ATRNL1: variants seen among roughly 807,000 people sequenced by gnomAD.
The protein encoded by ATRNL1 is attractin-like protein 1.
ATRNL1 carries 95 observed loss-of-function variants against 182.7 expected under a neutral mutation model. The ratio of observed to expected loss-of-function variants is 0.52; its 90% confidence interval spans 0.44 to 0.62. The LOEUF (loss-of-function observed/expected upper bound fraction) is 0.62, where lower values mean the gene tolerates loss of function less well. Among genes scored for constraint, ATRNL1 ranks in the 20% least tolerant of loss-of-function variants. The pLI is 0.00. For missense variants in ATRNL1, 1,471 were observed against 1,679.5 expected (o/e 0.88, Z 2.17); for synonymous variants, 576 against 568.3 (o/e 1.01, Z -0.19).
chr10:115,922,661 A>C (rs1189921528), intron 28 of ATRNL1, among the ~76,000 whole-genome samples: 1 of 152,124 alleles, frequency 6.6e-6, no homozygotes, highest in Non-Finnish European at 1.5e-5. Flanking sequence ...TCGTTTTCAA[A>C]AGTCAGTTAA....
chr10:115,757,021 C>T lies in ATRNL1; in HGVS notation c.3903+29666C>T, dbSNP rs1469643883. Among the ~76,000 whole-genome samples the T allele has an allele frequency of 2.6e-5, 4 of 151,884 alleles. No individual in the cohort carries two copies. In the East Asian group the frequency reaches 7.7e-4, roughly 29 times the overall value. On this transcript the variant is annotated intron_variant, in intron 27 of 28. Transcript: ENST00000355044. Reference sequence around the variant, plus strand: ...TTTTGCATTTGCTTAGTATATCTTCCTCCATCCATTCATTTTGAGCCTATG... The same window carrying T: ...TTTTGCATTTGCTTAGTATATCTTCTTCCATCCATTCATTTTGAGCCTATG...
chr10:115,126,116 G>C (rs782560683), intron 3 of ATRNL1, among the ~76,000 whole-genome samples: 2 of 152,182 alleles, frequency 1.3e-5, no homozygotes, highest in Non-Finnish European at 2.9e-5. Context: ...GGAGTGCAGT[G>C]GTGTGATCTC....
intron 27 of ATRNL1, among the ~76,000 whole-genome samples, chr10:115,766,446 C>A (rs550304581): frequency 1.3e-5 from 2 of 152,304 alleles, no homozygotes; most frequent in East Asian, 3.9e-4. Flanking sequence ...TGTTATGCAA[C>A]CTTTGACTCT....
intron 9 of ATRNL1, among the ~76,000 whole-genome samples, chr10:115,222,892 G>A (rs1401696222): frequency 1.3e-5 from 2 of 152,174 alleles, no homozygotes; most frequent in Non-Finnish European, 2.9e-5. Flanking sequence ...ATCATATAAA[G>A]CTATAGTAAT....
intron 19 of ATRNL1, among the ~76,000 whole-genome samples, chr10:115,370,461 G>A (rs987762129): frequency 2.0e-5 from 3 of 152,210 alleles, no homozygotes; most frequent in Non-Finnish European, 4.4e-5. Context: ...TGAAATCCAG[G>A]CTGAGGTGGT....
chr10:115,392,393 T>C (rs1844074380), intron 19 of ATRNL1, among the ~76,000 whole-genome samples: 1 of 152,146 alleles, frequency 6.6e-6, no homozygotes, highest in Non-Finnish European at 1.5e-5. Context: ...TCTTAGTTAA[T>C]ATAAGGAACT....
chr10:115,828,862 A>G (rs1232232071), intron 27 of ATRNL1, among the ~76,000 whole-genome samples: 1 of 152,184 alleles, frequency 6.6e-6, no homozygotes, highest in Non-Finnish European at 1.5e-5. Context: ...AATAAATTTA[A>G]AAGAGCATTA....
intron 28 of ATRNL1, among the ~76,000 whole-genome samples, chr10:115,935,060 A>G (rs1365206793): frequency 6.6e-6 from 1 of 152,094 alleles, no homozygotes; most frequent in African/African-American, 2.4e-5. Flanking sequence ...CAACCTCCAC[A>G]TTCCCCTTAG....
chr10:115,746,026 A>G (rs1256402705), intron 27 of ATRNL1, among the ~76,000 whole-genome samples: 1 of 152,150 alleles, frequency 6.6e-6, no homozygotes, highest in Non-Finnish European at 1.5e-5. Context: ...TCCATTATAT[A>G]AGAAAAGAAA....
intron 27 of ATRNL1, among the ~76,000 whole-genome samples, chr10:115,816,213 T>TG (rs1555088511): frequency 2.8e-4 from 42 of 152,292 alleles, no homozygotes; most frequent in Non-Finnish European, 2.4e-4. Flanking sequence ...CAATGTGATC[T>TG]GCCAACTGCA....
intron 27 of ATRNL1, among the ~76,000 whole-genome samples, chr10:115,783,437 A>G (rs1201368480): frequency 1.3e-5 from 2 of 152,222 alleles, no homozygotes; most frequent in African/African-American, 4.8e-5. Flanking sequence ...ATAACTGTGA[A>G]CATATCATTT....
At chr10:115,114,048 A>G (rs1844373605) in intron 1 of ATRNL1, among the ~76,000 whole-genome samples, 1 of 152,168 alleles carries the variant, frequency 6.6e-6, no homozygotes. Context: ...ACCTGCATAA[A>G]AACAGACAAA....
At chr10:115,248,255 A>G (rs906400013) in intron 10 of ATRNL1, among the ~76,000 whole-genome samples, 5 of 152,218 alleles carry the variant, frequency 3.3e-5, no homozygotes, top group Admixed American at 1.3e-4. Flanking sequence ...TATACATTAT[A>G]TGTATTGAAG....
intron 25 of ATRNL1, among the ~76,000 whole-genome samples, chr10:115,532,129 T>C (rs1406111176): frequency 6.6e-6 from 1 of 151,836 alleles, no homozygotes; most frequent in Admixed American, 6.6e-5. Flanking sequence ...TTTGGTTCCA[T>C]ATGAATTTTA....
intron 24 of ATRNL1, among the ~76,000 whole-genome samples, chr10:115,477,175 C>A (rs1274391554): frequency 6.6e-6 from 1 of 151,362 alleles, no homozygotes; most frequent in Non-Finnish European, 1.5e-5. Flanking sequence ...AATAATAACC[C>A]AAATTCTTTC....
chr10:115,352,634 A>G (rs1326838019), intron 19 of ATRNL1, among the ~76,000 whole-genome samples: 4 of 152,200 alleles, frequency 2.6e-5, no homozygotes, highest in African/African-American at 9.7e-5. Flanking sequence ...TGTTGTTAGA[A>G]AAAATACTTG....
At chr10:115,201,160 T>G (rs1592249501) in intron 8 of ATRNL1, among the ~76,000 whole-genome samples, 1 of 150,870 alleles carries the variant, frequency 6.6e-6, no homozygotes, top group African/African-American at 2.4e-5. Context: ...GTTGTGAAAA[T>G]TTTCTCCCAT....
chr10:115,418,704 A>G (rs1446740738), intron 20 of ATRNL1, among the ~76,000 whole-genome samples: 1 of 152,220 alleles, frequency 6.6e-6, no homozygotes, highest in Non-Finnish European at 1.5e-5. Flanking sequence ...GTGAGAAAAA[A>G]GAAGCAAATA....
chr10:115,726,153 T>G (rs1947590003), intron 26 of ATRNL1, among the ~76,000 whole-genome samples: 1 of 152,148 alleles, frequency 6.6e-6, no homozygotes, highest in Non-Finnish European at 1.5e-5. Context: ...TTTAAATAAT[T>G]TGGCCTGTGT....
Sources: gnomAD v4.1 joint callset for allele counts (sites outside exome capture counted in the v4.1 genomes callset) on GRCh38, gnomAD v4.1.1 for gene constraint, MANE v1.5 for transcripts, NCBI Gene and HGNC (gene_info 2026-07-23, HGNC 2026-07-21) for gene names.